Variants in TPD52 observed in about 807,000 individuals in gnomAD.
TPD52 encodes the protein tumor protein D52.
TPD52 carries 17 observed loss-of-function variants against 31.3 expected under a neutral mutation model. The observed-to-expected ratio is 0.54, with a 90% CI of 0.37 to 0.82. TPD52 has a LOEUF of 0.82. Among genes scored for constraint, TPD52 ranks in the 40% least tolerant of loss-of-function variants. The pLI is 0.00. For missense variants in TPD52, 212 were observed against 240.1 expected, an observed-to-expected ratio of 0.88 and a Z score of 0.77; for synonymous variants, 83 against 89.6, an observed-to-expected ratio of 0.93 and a Z score of 0.42.
chr8:80,108,742 G>A (rs1807303756), intron 1 of TPD52, among the ~76,000 whole-genome samples: 1 of 152,186 alleles, frequency 6.6e-6, no homozygotes, highest in South Asian at 2.1e-4. Flanking sequence ...ACATAAGACT[G>A]AATAACTGAT....
At chr8:80,140,072 A>AT (rs1809719624) in intron 1 of TPD52, among the ~76,000 whole-genome samples, 2 of 152,144 alleles carry the variant, frequency 1.3e-5, no homozygotes, top group Non-Finnish European at 2.9e-5. Flanking sequence ...GGCCCTGGTG[A>AT]TTTTTTCAGC....
chr8:80,158,942 T>G (rs1455388315), intron 1 of TPD52: 26 of 21,110 alleles, frequency 1.2e-3, no homozygotes, highest in African/African-American at 8.4e-3. Flanking sequence ...AGACTCCGTC[T>G]CAAAAAAAAA....
intron 1 of TPD52, among the ~76,000 whole-genome samples, chr8:80,157,148 T>C (rs1399728630): frequency 1.3e-5 from 2 of 152,072 alleles, no homozygotes; most frequent in Admixed American, 6.6e-5. Context: ...TTAGTATCTA[T>C]AGTCATCATC....
chr8:80,165,249 C>T (rs1311009115), intron 1 of TPD52, among the ~76,000 whole-genome samples: 1 of 152,176 alleles, frequency 6.6e-6, no homozygotes, highest in African/African-American at 2.4e-5. Flanking sequence ...AGCAAACGCT[C>T]GCACATGCTG....
intron 1 of TPD52, among the ~76,000 whole-genome samples, chr8:80,109,684 G>A (rs1807375241): frequency 6.6e-6 from 1 of 152,196 alleles, no homozygotes. Flanking sequence ...TGGGATGACA[G>A]GTGTGAGCCA....
intron 1 of TPD52, among the ~76,000 whole-genome samples, chr8:80,135,491 G>T (rs1390780763): frequency 6.6e-6 from 1 of 152,138 alleles, no homozygotes; most frequent in Non-Finnish European, 1.5e-5. Context: ...TACTCTTAAG[G>T]CACTGGTTTT....
downstream of TPD52, among the ~76,000 whole-genome samples, chr8:80,033,860 C>A (rs547379686): frequency 2.6e-5 from 4 of 152,228 alleles, no homozygotes; most frequent in South Asian, 8.3e-4. Flanking sequence ...AAAACACCAT[C>A]CGATTAGCCG....
chr8:80,169,918 G>A (rs1811963417), intron 1 of TPD52, among the ~76,000 whole-genome samples: 1 of 152,064 alleles, frequency 6.6e-6, no homozygotes, highest in Non-Finnish European at 1.5e-5. Context: ...CTAACCTCAA[G>A]AAGCTTAAAA....
chr8:80,152,694 T>A (rs1810657811), intron 1 of TPD52, among the ~76,000 whole-genome samples: 1 of 150,140 alleles, frequency 6.7e-6, no homozygotes, highest in African/African-American at 2.5e-5. Flanking sequence ...GGCAAGAGAA[T>A]CACTTGAATC....
chr8:80,079,289 C>T (rs1169113235), intron 1 of TPD52, among the ~76,000 whole-genome samples: 2 of 152,176 alleles, frequency 1.3e-5, no homozygotes, highest in East Asian at 3.9e-4. Context: ...CAAGCTGCTG[C>T]CTCCTGCCCC....
Position 80,036,622 on chromosome 8 carries a change from A to T in TPD52, c.*1494T>A, listed in dbSNP as rs1035551883. The T allele has an allele frequency of 4.6e-5, 7 of 152,666 alleles. No individual in the cohort carries two copies. Among genetic ancestry groups the T allele is most frequent in the African/African-American group, 1.7e-4 (7 of 41,466 alleles). The allele number at this position is 152,666 out of a possible 1,614,324, so 9.5% of individuals were successfully genotyped here. A position where few individuals can be genotyped will look rare whatever the true frequency, so the allele number is the denominator to read the frequency against. ...AGATGGAATTTATTAAGCTTTTCACATGTGATAGCACATAGTTTTAATTGC... is the reference window on the plus strand; with the variant it reads ...AGATGGAATTTATTAAGCTTTTCACTTGTGATAGCACATAGTTTTAATTGC... On this transcript the variant is annotated 3_prime_UTR_variant, in exon 8 of 8. Coordinates refer to ENST00000518937, the MANE Select transcript of TPD52 (RefSeq NM_001025253.3).
chr8:80,063,516 T>A (rs1812773323), intron 2 of TPD52, among the ~76,000 whole-genome samples: 2 of 152,148 alleles, frequency 1.3e-5, no homozygotes. Context: ...TGTTACTGAA[T>A]TATACTCGTT....
chr8:80,092,964 A>C (rs1248168117), intron 1 of TPD52, among the ~76,000 whole-genome samples: 1 of 152,218 alleles, frequency 6.6e-6, no homozygotes, highest in Non-Finnish European at 1.5e-5. Context: ...AATGGTACAG[A>C]TGGTAAATTA....
intron 2 of TPD52, among the ~76,000 whole-genome samples, chr8:80,060,090 A>G (rs180745153): frequency 1.4e-3 from 217 of 151,834 alleles, no homozygotes; most frequent in African/African-American, 5.1e-3. Flanking sequence ...ATCTCAAAAA[A>G]AAAAAAGAAA....
chr8:80,112,850 T>C (rs1178611286), intron 1 of TPD52, among the ~76,000 whole-genome samples: 3 of 152,178 alleles, frequency 2.0e-5, no homozygotes, highest in Non-Finnish European at 2.9e-5. Context: ...GGGTCAGAAG[T>C]ATTTCAGATT....
rs775192322 is a variant in TPD52 at position 80,053,437 on chromosome 8, G to C, written c.136-7C>G. On this transcript the variant is annotated splice_polypyrimidine_tract_variant and splice_region_variant and intron_variant, in intron 2 of 7. Coordinates refer to ENST00000518937, the MANE Select transcript of TPD52 (RefSeq NM_001025253.3). ...TCTGGATTTCTTCTTCTACCTATGA[G>C]GAAGGGGTTTGGGGTAAGAATATAG... The C allele has an allele frequency of 1.9e-6, 3 of 1,612,378 alleles. No individual in the cohort carries two copies. The highest frequency in any genetic ancestry group is 1.7e-4 in the Middle Eastern group (1 of 6,054).
At chr8:80,117,244 T>C (rs1807928231) in intron 1 of TPD52, among the ~76,000 whole-genome samples, 1 of 152,152 alleles carries the variant, frequency 6.6e-6, no homozygotes, top group Non-Finnish European at 1.5e-5. Context: ...ATGTATAGAA[T>C]AATAAGGAAT....
chr8:80,119,243 T>C (rs1198479377), intron 1 of TPD52, among the ~76,000 whole-genome samples: 1 of 152,122 alleles, frequency 6.6e-6, no homozygotes, highest in African/African-American at 2.4e-5. Flanking sequence ...AGATCAGTAA[T>C]TGCCTAGGGC....
intron 2 of TPD52, among the ~76,000 whole-genome samples, chr8:80,057,058 C>T (rs1218795319): frequency 6.6e-6 from 1 of 152,114 alleles, no homozygotes; most frequent in Admixed American, 6.6e-5. Context: ...ATCCCAGCTA[C>T]TCAGGAGGCT....
Sources: allele counts gnomAD v4.1 joint callset (sites outside exome capture counted in the v4.1 genomes callset), GRCh38; gene constraint gnomAD v4.1.1; transcripts MANE v1.5; gene names NCBI Gene and HGNC (gene_info 2026-07-23, HGNC 2026-07-21).